The following LAYN variants were observed in gnomAD, a reference collection of about 807,000 sequenced individuals.
LAYN encodes layilin.
A neutral mutation model predicts 43.6 loss-of-function variants in LAYN; 38 were observed. That is an observed-to-expected ratio of 0.87 (90% CI 0.67 to 1.14). The LOEUF (loss-of-function observed/expected upper bound fraction) is 1.14. LAYN is among the 50% of genes most tolerant of loss of function. LAYN has a pLI of 0.00. For missense variants in LAYN, 479 were observed against 463.8 expected, an observed-to-expected ratio of 1.03 and a Z score of -0.30; for synonymous variants, 168 against 172.9, an observed-to-expected ratio of 0.97 and a Z score of 0.22.
In LAYN at chr11:111,546,565, G is replaced by A. The variant is rs1867651924; in HGVS notation, c.383+2345G>A. 2.0e-5 allele frequency among the ~76,000 whole-genome samples: 3 copies of A among 152,198 alleles called. No individual in the cohort carries two copies. In the South Asian group the frequency reaches 6.2e-4, roughly 32 times the overall value. On this transcript the variant is annotated intron_variant, in intron 2 of 6. Coordinates refer to ENST00000375614, the MANE Select transcript of LAYN (RefSeq NM_178834.5). ...CTGCCTGTATCAGCTAGTCACAAGGGATTCCTCCATGCAGTCACAGATGTG... is the reference window on the plus strand; with the variant it reads ...CTGCCTGTATCAGCTAGTCACAAGGAATTCCTCCATGCAGTCACAGATGTG...
At chr11:111,555,514 A>G (rs1867822278) in intron 5 of LAYN, among the ~76,000 whole-genome samples, 1 of 152,194 alleles carries the variant, frequency 6.6e-6, no homozygotes, top group Non-Finnish European at 1.5e-5. Context: ...CAGCAGGTGA[A>G]AAATTTGCAT....
At chr11:111,553,198 G>A (rs916345559) in intron 3 of LAYN, among the ~76,000 whole-genome samples, 2 of 151,952 alleles carry the variant, frequency 1.3e-5, no homozygotes, top group South Asian at 2.1e-4. Flanking sequence ...AGCCGAGATC[G>A]CGCCACTGGA....
intron 2 of LAYN, 142 bp downstream of exon 2, chr11:111,544,362 C>T: frequency 1.2e-6 from 1 of 822,590 alleles, no homozygotes; most frequent in Non-Finnish European, 1.9e-6. Context: ...AGAATAGCTG[C>T]TGACCTAAGC....
At chr11:111,547,489 C>A (rs963311791) in intron 2 of LAYN, among the ~76,000 whole-genome samples, 1 of 152,174 alleles carries the variant, frequency 6.6e-6, no homozygotes, top group East Asian at 1.9e-4. Flanking sequence ...TGAGTCAAGA[C>A]CATAAGTATA....
intron 3 of LAYN, among the ~76,000 whole-genome samples, chr11:111,551,163 C>T (rs926598528): frequency 6.6e-6 from 1 of 152,074 alleles, no homozygotes. Context: ...TAGCAGAACC[C>T]GGGAAAAGCT....
At chr11:111,546,263 C>A (rs1867646929) in intron 2 of LAYN, among the ~76,000 whole-genome samples, 1 of 152,196 alleles carries the variant, frequency 6.6e-6, no homozygotes, top group African/African-American at 2.4e-5. Flanking sequence ...TCCAAAACCT[C>A]CTAGTCCACA....
intron 6 of LAYN, among the ~76,000 whole-genome samples, chr11:111,558,856 C>T (rs1294308580): frequency 4.0e-5 from 6 of 151,362 alleles, no homozygotes; most frequent in Non-Finnish European, 8.8e-5. Flanking sequence ...GGCGCAATCT[C>T]GGCTCACTGC....
intron 6 of LAYN, among the ~76,000 whole-genome samples, chr11:111,558,338 G>T (rs1199632429): frequency 6.6e-6 from 1 of 152,036 alleles, no homozygotes; most frequent in African/African-American, 2.4e-5. Context: ...TTTAAGATTT[G>T]ACTCCCTTTA....
chr11:111,553,157 G>A (rs983379637), intron 3 of LAYN, among the ~76,000 whole-genome samples: 1 of 151,644 alleles, frequency 6.6e-6, no homozygotes, highest in Non-Finnish European at 1.5e-5. Flanking sequence ...GCAGGAGAAT[G>A]GCAGGAACCC....
chr11:111,540,711 C>T (rs372969045), upstream of LAYN: 1 of 847,350 alleles, frequency 1.2e-6, no homozygotes, highest in Admixed American at 3.5e-5. Context: ...GCCCTCCCCC[C>T]CGCCTCCCGT....
intron 6 of LAYN, among the ~76,000 whole-genome samples, chr11:111,559,648 G>A (rs1372835344): frequency 1.3e-5 from 2 of 151,732 alleles, no homozygotes; most frequent in African/African-American, 4.8e-5. Flanking sequence ...TTATAGGGAC[G>A]GGGTTTTAAC....
At chr11:111,546,801 T>A (rs1404527581) in intron 2 of LAYN, among the ~76,000 whole-genome samples, 1 of 152,200 alleles carries the variant, frequency 6.6e-6, no homozygotes, top group African/African-American at 2.4e-5. Context: ...CCTTGCCTAG[T>A]AGCCAGCCAG....
At chr11:111,558,280 GAGA>G (rs1024804430) in intron 6 of LAYN, among the ~76,000 whole-genome samples, 1 of 152,058 alleles carries the variant, frequency 6.6e-6, no homozygotes, top group Non-Finnish European at 1.5e-5. Flanking sequence ...ATGGTATATG[GAGA>G]AGATGTCTAG....
chr11:111,551,101 A>C (rs1334512052), intron 3 of LAYN, among the ~76,000 whole-genome samples: 1 of 152,188 alleles, frequency 6.6e-6, no homozygotes, highest in Non-Finnish European at 1.5e-5. Flanking sequence ...GACTAGCTAC[A>C]ATGGGGAACT....
At chr11:111,541,438 TG>T in intron 1 of LAYN, 1 of 900,902 alleles carries the variant, frequency 1.1e-6, no homozygotes, top group African/African-American at 1.6e-5. Context: ...GTTGGATGGC[TG>T]GGTCGAGCGC....
At chr11:111,546,523 C>G (rs548520336) in intron 2 of LAYN, among the ~76,000 whole-genome samples, 32 of 152,226 alleles carry the variant, frequency 2.1e-4, no homozygotes, top group Non-Finnish European at 3.8e-4. Flanking sequence ...CTGACCTACC[C>G]TTGAACCAGG....
chr11:111,556,374 G>A (rs547736285), intron 5 of LAYN, among the ~76,000 whole-genome samples: 2 of 152,296 alleles, frequency 1.3e-5, no homozygotes, highest in South Asian at 4.1e-4. Context: ...TCAATGCATA[G>A]CAGTCTCCAA....
intron 1 of LAYN, among the ~76,000 whole-genome samples, chr11:111,541,974 C>T (rs2135788432): frequency 6.6e-6 from 1 of 152,304 alleles, no homozygotes; most frequent in African/African-American, 2.4e-5. Flanking sequence ...CTGACGGTCT[C>T]TGGCACTCAC....
upstream of LAYN, chr11:111,540,693 G>T: frequency 1.4e-6 from 1 of 699,080 alleles, no homozygotes; most frequent in East Asian, 3.4e-5. Flanking sequence ...GCGACCGACT[G>T]ACTCCGCGCC....
Sources: gnomAD v4.1 joint callset for allele counts (sites outside exome capture counted in the v4.1 genomes callset) on GRCh38, gnomAD v4.1.1 for gene constraint, MANE v1.5 for transcripts, NCBI Gene and HGNC (gene_info 2026-07-23, HGNC 2026-07-21) for gene names.